Variants in TLN2 observed in about 807,000 individuals in gnomAD.
The protein encoded by TLN2 is talin 2, also known as talin-2.
A neutral mutation model predicts 294.7 loss-of-function variants in TLN2; 118 were observed. The ratio of observed to expected loss-of-function variants is 0.40; its 90% CI spans 0.34 to 0.47. TLN2 has a LOEUF of 0.47. Among genes scored for constraint, TLN2 ranks in the 20% least tolerant of loss-of-function variants. The pLI is 0.84. For synonymous variants in TLN2, 1,431 were observed against 1,304.5 expected (o/e 1.10, Z -2.09); for missense variants, 3,083 against 3,282.2 (o/e 0.94, Z 1.48).
At chr15:62,455,746 G>A (rs573932024) in intron 1 of TLN2, among the ~76,000 whole-genome samples, 1 of 152,266 alleles carries the variant, frequency 6.6e-6, no homozygotes, top group South Asian at 2.1e-4. Flanking sequence ...TTTTGCCTCT[G>A]GGACTCCATA....
intron 1 of TLN2, among the ~76,000 whole-genome samples, chr15:62,508,543 A>G (rs1330274955): frequency 6.6e-6 from 1 of 152,222 alleles, no homozygotes; most frequent in East Asian, 1.9e-4. Flanking sequence ...TTTGAAACAA[A>G]TTTTTCATTT....
rs559263167 is a variant in TLN2 at position 62,538,726 on chromosome 15, CT to C, written c.-237-50958del. Among the ~76,000 whole-genome samples, 1,175 of 152,268 alleles carry C rather than the reference CT, an allele frequency of 7.7e-3. 4 individuals carry two copies. Among genetic ancestry groups the C allele is most frequent in the Non-Finnish European group, 0.013 (851 of 68,010 alleles). On this transcript the variant is annotated intron_variant, in intron 1 of 58. Transcript: ENST00000636159. The stretch of plus-strand genomic sequence containing the variant: ...AATGTTAAATTCTCCCCTCTAACCT[CT>C]TTCTATGTAAGGAAGTATATATCCA...
Position 62,541,395 on chromosome 15 carries a change from A to G in TLN2, c.-237-48292A>G, listed in dbSNP as rs114796433. ...TTCTTGCTCTCGACTTTCTTGGCCT[A>G]TTCTGTTTCCGGCCTGGAATTTGCC... On this transcript the variant is annotated intron_variant, in intron 1 of 58. Transcript: ENST00000636159. 5.6e-3 allele frequency among the ~76,000 whole-genome samples: 845 copies of G among 152,120 alleles called. 13 individuals carry two copies. Among genetic ancestry groups the G allele is most frequent in the African/African-American group, 0.018 (763 of 41,478 alleles).
chr15:62,516,542 A>G (rs929401895), intron 1 of TLN2, among the ~76,000 whole-genome samples: 3 of 152,202 alleles, frequency 2.0e-5, no homozygotes, highest in African/African-American at 7.2e-5. Flanking sequence ...GTAGTGACCT[A>G]TAATTATCTC....
In TLN2 at chr15:62,707,215, T is replaced by C. The variant is rs762180179; in HGVS notation, c.2134T>C (p.Cys712Arg). 6.2e-7 allele frequency: 1 copy of C among 1,613,726 alleles called. No homozygotes were observed. Among genetic ancestry groups the C allele is most frequent in the South Asian group, 1.1e-5 (1 of 90,948 alleles). The change falls in exon 20 of 59, where the codon TGT (cysteine) becomes CGT (arginine). Residue 712 changes from cysteine (C) to arginine (R), a missense_variant. Transcript: ENST00000636159. The stretch of plus-strand genomic sequence containing the variant: ...CAGGGTAATTGCTGCTGCCACCCAG[T>C]GTGCCCTCTCCACCTCCCAGCTTGT... ...QNRVIAAATQCALSTSQLVAC... is the reference protein window; with the variant it reads ...QNRVIAAATQRALSTSQLVAC...
intron 1 of TLN2, among the ~76,000 whole-genome samples, chr15:62,552,614 T>G (rs1358168468): frequency 6.6e-6 from 1 of 152,234 alleles, no homozygotes; most frequent in Non-Finnish European, 1.5e-5. Context: ...GCTGAAGAGC[T>G]GTCTGGTGTT....
At chr15:62,673,565 CTTTTT>C in intron 9 of TLN2, among the ~76,000 whole-genome samples, 1 of 139,526 alleles carries the variant, frequency 7.2e-6, no homozygotes, top group African/African-American at 2.6e-5. Flanking sequence ...CTCTTGTGCT[CTTTTT>C]TTTTTTTTTC....
At chr15:62,459,672 C>A (rs1435903393) in intron 1 of TLN2, among the ~76,000 whole-genome samples, 1 of 152,150 alleles carries the variant, frequency 6.6e-6, no homozygotes, top group Non-Finnish European at 1.5e-5. Context: ...TATGCAAGCC[C>A]TTTTGCTTGC....
At chr15:62,446,043 G>T (rs2035805002) in intron 1 of TLN2, among the ~76,000 whole-genome samples, 1 of 150,902 alleles carries the variant, frequency 6.6e-6, no homozygotes, top group South Asian at 2.1e-4. Flanking sequence ...GAGTCTCACT[G>T]TCGCCCGGGC....
chr15:62,465,523 A>G (rs17271730), intron 1 of TLN2, among the ~76,000 whole-genome samples: 55,736 of 152,020 alleles, frequency 0.37, 10,249 homozygotes, highest in Middle Eastern at 0.39. Context: ...TCTCGAAACT[A>G]TCGGGTTATG....
chr15:62,394,635 T>C (rs2032376537), intron 1 of TLN2, among the ~76,000 whole-genome samples: 1 of 152,190 alleles, frequency 6.6e-6, no homozygotes. Context: ...AGTTAGGGAA[T>C]GTGAACTCTG....
intron 1 of TLN2, among the ~76,000 whole-genome samples, chr15:62,435,351 C>T (rs894191202): frequency 3.3e-5 from 5 of 152,116 alleles, no homozygotes; most frequent in East Asian, 3.9e-4. Flanking sequence ...CACTATCTTC[C>T]GCGATGGTTG....
chr15:62,647,170 T>C, intron 3 of TLN2, 105 bp from the exon 4 acceptor site: 1 of 1,095,152 alleles, frequency 9.1e-7, no homozygotes, highest in Non-Finnish European at 1.3e-6. Flanking sequence ...TTATTCTCTT[T>C]CCATGTTTAA....
chr15:62,581,473 T>C (rs2045020469), intron 1 of TLN2, among the ~76,000 whole-genome samples: 1 of 152,204 alleles, frequency 6.6e-6, no homozygotes, highest in Admixed American at 6.5e-5. Context: ...CATCAGGTTC[T>C]ACTGTTGGTA....
chr15:62,673,277 C>T (rs959060954), intron 9 of TLN2, among the ~76,000 whole-genome samples: 14 of 68,928 alleles, frequency 2.0e-4, no homozygotes, highest in Middle Eastern at 0.014. Flanking sequence ...GCTTGATAGA[C>T]GGTTTTAGTT....
chr15:62,600,502 G>A (rs771513401), intron 2 of TLN2, among the ~76,000 whole-genome samples: 1 of 152,060 alleles, frequency 6.6e-6, no homozygotes, highest in Non-Finnish European at 1.5e-5. Flanking sequence ...TTTCAACAAT[G>A]GACTCACTCT....
In TLN2 at chr15:62,805,737, T is replaced by G. The variant is rs780198820; in HGVS notation, c.6615T>G (p.Thr2205=). 6.2e-7 allele frequency: 1 copy of G among 1,614,142 alleles called. No homozygotes were observed. Among genetic ancestry groups the G allele is most frequent in the East Asian group, 2.2e-5 (1 of 44,882 alleles). ...GTAGACAGGAGGACGTGATTGCTACTGCCAACCTGAGCCGGAAAGCCGTGT... is the reference window on the plus strand; with the variant it reads ...GTAGACAGGAGGACGTGATTGCTACGGCCAACCTGAGCCGGAAAGCCGTGT... The part of the protein sequence containing the change: ...NSCRQEDVIA[T]ANLSRKAVSD... Residue 2205 remains threonine (T), a synonymous_variant, in exon 51 of 59, where the codon ACT becomes ACG. Coordinates refer to ENST00000636159, the MANE Select transcript of TLN2 (RefSeq NM_015059.3).
intron 22 of TLN2, among the ~76,000 whole-genome samples, chr15:62,712,792 C>T (rs2059507289): frequency 6.6e-6 from 1 of 152,122 alleles, no homozygotes; most frequent in South Asian, 2.1e-4. Context: ...CGATGTGCAT[C>T]TCTAGGTGAG....
At chr15:62,528,923 T>C (rs899076627) in intron 1 of TLN2, among the ~76,000 whole-genome samples, 5 of 152,222 alleles carry the variant, frequency 3.3e-5, no homozygotes, top group African/African-American at 1.2e-4. Flanking sequence ...TTTTGTTGTC[T>C]TGTTCTCTAC....
Sources: allele counts gnomAD v4.1 joint callset (sites outside exome capture counted in the v4.1 genomes callset), GRCh38; gene constraint gnomAD v4.1.1; transcripts MANE v1.5; gene names NCBI Gene and HGNC (gene_info 2026-07-23, HGNC 2026-07-21).